The following VIL1 variants were observed in gnomAD, a reference collection of about 807,000 sequenced individuals.
The protein encoded by VIL1 is villin 1, also known as villin-1.
A neutral mutation model predicts 104.0 loss-of-function variants in VIL1; 86 were observed. The observed-to-expected ratio is 0.83, with a 90% CI of 0.69 to 0.99. The LOEUF (loss-of-function observed/expected upper bound fraction) is 0.99, where lower values mean the gene tolerates loss of function less well. Among genes scored for constraint, VIL1 ranks in the 50% least tolerant of loss-of-function variants. The pLI, the probability that VIL1 is intolerant of heterozygous loss-of-function variation, is 0.00. For missense variants in VIL1, 944 were observed against 1,054.1 expected (o/e 0.90, Z 1.45); for synonymous variants, 394 against 412.6 (o/e 0.95, Z 0.55).
At chr2:218,443,707 T>A (rs1393624801) in intron 19 of VIL1, among the ~76,000 whole-genome samples, 1 of 152,122 alleles carries the variant, frequency 6.6e-6, no homozygotes, top group Non-Finnish European at 1.5e-5. Flanking sequence ...CAGGCTGAAG[T>A]GAAGTGGCAC....
chr2:218,428,255 G>T lies in VIL1; in HGVS notation c.485G>T (p.Arg162Leu), dbSNP rs146100199. 7.4e-6 allele frequency: 12 copies of T among 1,614,030 alleles called. No individual in the cohort carries two copies. The highest frequency in any genetic ancestry group is 1.0e-5 in the Non-Finnish European group (12 of 1,180,028). The change falls in exon 6 of 20, where the codon CGA becomes CTA. Residue 162 changes from arginine to leucine, a missense_variant. Physicochemically the swap from Arg to Leu is moderately radical, Grantham distance 102. Coordinates refer to ENST00000248444, the MANE Select transcript of VIL1 (RefSeq NM_007127.3). ...EVEMSWKSFN[R>L]GDVFLLDLGK... Reference sequence around the variant, plus strand: ...GAGATGTCCTGGAAGAGTTTCAACCGAGGGGATGTTTTCCTCCTGGACCTT... The same window carrying T: ...GAGATGTCCTGGAAGAGTTTCAACCTAGGGGATGTTTTCCTCCTGGACCTT...
intron 1 of VIL1, among the ~76,000 whole-genome samples, chr2:218,420,192 G>A (rs1408840817): frequency 8.5e-5 from 13 of 152,140 alleles, no homozygotes; most frequent in Non-Finnish European, 4.4e-5. Context: ...CACTTTGGGA[G>A]GCCAAGTGGG....
intron 13 of VIL1, among the ~76,000 whole-genome samples, chr2:218,433,688 C>T (rs979654791): frequency 6.6e-6 from 1 of 152,164 alleles, no homozygotes; most frequent in Non-Finnish European, 1.5e-5. Context: ...GGGTGGATCA[C>T]CTGAGGTCAG....
rs1040856524 is a variant in VIL1 at position 218,438,511 on chromosome 2, C to T, written c.2161-147C>T. 3 of 694,628 alleles carry T rather than the reference C, an allele frequency of 4.3e-6. No homozygotes were observed. The African/African-American group carries it at 5.4e-5, about 13-fold the overall frequency. The allele number at this position is 694,628 out of a possible 1,614,324, so 43.0% of individuals were successfully genotyped here. ...CATCTAATCTCCTTTTTCAGGGACC[C>T]TCCTCCAGCCTCAGCCTTCATATCC... On this transcript the variant is annotated intron_variant, in intron 17 of 19. Coordinates refer to ENST00000248444, the MANE Select transcript of VIL1 (RefSeq NM_007127.3).
At chr2:218,429,074 A>C (rs1038846589) in intron 6 of VIL1, among the ~76,000 whole-genome samples, 1 of 152,192 alleles carries the variant, frequency 6.6e-6, no homozygotes, top group African/African-American at 2.4e-5. Context: ...CACCTCCCTG[A>C]CAGTGGGGAA....
chr2:218,429,287 C>T lies in VIL1; in HGVS notation c.570C>T (p.Gly190=), dbSNP rs1024312401. ...GGTCACCAGGGGCCTTCCTGCAGGG[C>T]ATGACTCTGGCCAAGGAGATCCGAG... ...PESTRMERLR[G]MTLAKEIRDQ... is the part of the protein sequence containing the mutation. The change falls in exon 7 of 20, where the codon GGC becomes GGT. Residue 190 remains glycine (G), a splice_region_variant and synonymous_variant. Transcript: ENST00000248444. The T allele has an allele frequency of 1.2e-6, 2 of 1,611,520 alleles. No homozygotes were observed. Among genetic ancestry groups the T allele is most frequent in the South Asian group, 1.1e-5 (1 of 90,734 alleles).
chr2:218,438,871 A>C, intron 18 of VIL1, 145 bp downstream of exon 18: 2 of 618,394 alleles, frequency 3.2e-6, no homozygotes, highest in South Asian at 4.1e-5. Flanking sequence ...TTGCTGTTTT[A>C]CTTCAGTGCC....
At position 218,435,319 on chromosome 2, in the gene VIL1, A is replaced by G; in HGVS notation, c.1711A>G (p.Lys571Glu). ...GCSGDEREMA[K>E]MVADTISRTE... ...TAGCGGGGACGAGCGGGAGATGGCCAAGATGGTTGCTGACACCATCTCCCG... is the reference window on the plus strand; with the variant it reads ...TAGCGGGGACGAGCGGGAGATGGCCGAGATGGTTGCTGACACCATCTCCCG... Residue 571 changes from lysine (K) to glutamate (E), a missense_variant, in exon 15 of 20, where the codon AAG becomes GAG. Coordinates refer to ENST00000248444, the MANE Select transcript of VIL1 (RefSeq NM_007127.3). 1 of 1,614,102 alleles carries G rather than the reference A, an allele frequency of 6.2e-7. No homozygotes were observed. The highest frequency in any genetic ancestry group is 2.2e-5 in the East Asian group (1 of 44,876).
chr2:218,420,155 T>A (rs1270373522), intron 1 of VIL1, among the ~76,000 whole-genome samples: 1 of 151,918 alleles, frequency 6.6e-6, no homozygotes, highest in Non-Finnish European at 1.5e-5. Context: ...GTGGGCCAGG[T>A]GCAGAGCCTC....
At chr2:218,432,565 A>G (rs1355949615) in intron 12 of VIL1, 21 of 739,788 alleles carry the variant, frequency 2.8e-5, no homozygotes, top group East Asian at 2.5e-4. Flanking sequence ...GGTTGCAGGT[A>G]GGTCAGGGCT....
intron 1 of VIL1, among the ~76,000 whole-genome samples, chr2:218,422,192 T>C (rs1688907858): frequency 6.6e-6 from 1 of 151,658 alleles, no homozygotes; most frequent in African/African-American, 2.4e-5. Context: ...GAGGCGGAGG[T>C]TGAAGTAAGC....
intron 4 of VIL1, 98 bp from the exon 5 acceptor site, chr2:218,427,867 C>T (rs1689028938): frequency 6.2e-6 from 7 of 1,124,216 alleles, no homozygotes; most frequent in Middle Eastern, 2.2e-4. Flanking sequence ...CCACCCTGGC[C>T]CTCACGTGAC....
chr2:218,449,356 A>G lies in VIL1; in HGVS notation c.*20A>G, dbSNP rs781352546. 1.3e-6 allele frequency: 2 copies of G among 1,563,318 alleles called. No individual in the cohort carries two copies. The highest frequency in any genetic ancestry group is 2.2e-5 in the East Asian group (1 of 44,572). On this transcript the variant is annotated 3_prime_UTR_variant, in exon 20 of 20. Transcript: ENST00000248444. ...TTTTGAGAAGAGTAGCTGTGGTTGT[A>G]AAGCAGTACCCTACCCTGATTGTAG...
chr2:218,446,073 T>C (rs540703150), intron 19 of VIL1, among the ~76,000 whole-genome samples: 1 of 152,292 alleles, frequency 6.6e-6, no homozygotes, highest in African/African-American at 2.4e-5. Context: ...TAGTTCTGAA[T>C]TTGATCTTTG....
Position 218,436,641 on chromosome 2 carries a change from C to A in VIL1, c.1971+15C>A, listed in dbSNP as rs769281417. The A allele has an allele frequency of 2.2e-5, 36 of 1,609,894 alleles. No individual in the cohort carries two copies. Among genetic ancestry groups the A allele is most frequent in the Non-Finnish European group, 3.1e-5 (36 of 1,178,000 alleles). On this transcript the variant is annotated intron_variant, in intron 16 of 19. Transcript: ENST00000248444. ...TCTGGGACCAGGTAGGACCAAGGGC[C>A]TGGGGACCCCTCTTCCCAGCCACCT...
At chr2:218,442,474 C>T (rs1014814105) in intron 19 of VIL1, among the ~76,000 whole-genome samples, 1 of 152,070 alleles carries the variant, frequency 6.6e-6, no homozygotes, top group Non-Finnish European at 1.5e-5. Context: ...TGGGGCTGGA[C>T]ACTTTTTTTT....
intron 18 of VIL1, 75 bp downstream of exon 18, chr2:218,438,801 C>A: frequency 1.6e-6 from 2 of 1,278,458 alleles, no homozygotes; most frequent in Non-Finnish European, 2.2e-6. Context: ...AAGAACGCTG[C>A]AGAGAAGACA....
chr2:218,443,914 C>T (rs937403955), intron 19 of VIL1, among the ~76,000 whole-genome samples: 19 of 152,162 alleles, frequency 1.2e-4, no homozygotes, highest in African/African-American at 4.6e-4. Flanking sequence ...CTCTGCCTCC[C>T]GAAGTGCTGG....
chr2:218,446,666 G>A (rs1442249932), intron 19 of VIL1, among the ~76,000 whole-genome samples: 1 of 152,090 alleles, frequency 6.6e-6, no homozygotes, highest in Non-Finnish European at 1.5e-5. Flanking sequence ...AAGCTGACAA[G>A]AGGGCTTTAT....
Sources: allele counts gnomAD v4.1 joint callset (sites outside exome capture counted in the v4.1 genomes callset), GRCh38; gene constraint gnomAD v4.1.1; transcripts MANE v1.5; gene names NCBI Gene and HGNC (gene_info 2026-07-23, HGNC 2026-07-21).